The following PHF12 variants were observed in gnomAD, a reference collection of about 807,000 sequenced individuals.
PHF12 encodes the protein PHD finger protein 12.
In PHF12, 6 loss-of-function variants were observed where a neutral mutation model predicts 99.8. The ratio of observed to expected loss-of-function variants is 0.06; its 90% CI spans 0.03 to 0.12. The LOEUF is 0.12. PHF12 is among the 10% of genes least tolerant of loss of function. The pLI, the probability that PHF12 is intolerant of heterozygous loss-of-function variation, is 1.00. For synonymous variants in PHF12, 480 were observed against 514.9 expected (o/e 0.93, Z 0.92); for missense variants, 954 against 1,300.1 (o/e 0.73, Z 4.09).
At position 28,924,232 on chromosome 17, in the gene PHF12, G is replaced by A. The variant is rs1276565800; in HGVS notation, c.392C>T (p.Ser131Phe). 8.1e-6 allele frequency: 13 copies of A among 1,614,222 alleles called. No homozygotes were observed. The highest frequency in any genetic ancestry group is 1.1e-5 in the Non-Finnish European group (13 of 1,180,038). ...LVDKSGKRTT[S>F]PSSDTDLLDR... ...CAACAAGTCAGTGTCACTGCTGGGG[G>A]ATGTAGTCCGTTTGCCAGATTTGTC... Residue 131 changes from serine to phenylalanine, a missense_variant, in exon 4 of 15, where the codon TCC becomes TTC. Around this residue, in one of 8 missense-constraint regions of PHF12, gnomAD observed 109 missense variants for 145.4 expected, o/e 0.75. Coordinates refer to ENST00000332830, the MANE Select transcript of PHF12 (RefSeq NM_001033561.2).
chr17:28,911,719 G>A (rs1451350694), intron 9 of PHF12, among the ~76,000 whole-genome samples: 7 of 152,194 alleles, frequency 4.6e-5, no homozygotes, highest in African/African-American at 1.7e-4. Flanking sequence ...TCTGGTTACC[G>A]AGACTCCCAG....
chr17:28,921,696 C>T lies in PHF12; in HGVS notation c.828G>A (p.Thr276=), dbSNP rs149472520. Residue 276 remains threonine, a synonymous_variant, in exon 5 of 15, where the codon ACG becomes ACA. Coordinates refer to ENST00000332830, the MANE Select transcript of PHF12 (RefSeq NM_001033561.2). ...LVPLPVKVCF[T]CNRSCRVAPL... is the part of the protein sequence containing the mutation. Reference sequence around the variant, plus strand: ...AGTATGAAAGAAAATACCTGTTACACGTGAAGCAGACTTTGACGGGTAAGG... The same window carrying T: ...AGTATGAAAGAAAATACCTGTTACATGTGAAGCAGACTTTGACGGGTAAGG... 20 of 1,613,960 alleles carry T rather than the reference C, an allele frequency of 1.2e-5. No homozygotes were observed. The highest frequency in any genetic ancestry group is 3.3e-5 in the Admixed American group (2 of 59,998).
rs1049903251 is a variant in PHF12, at chr17:28,912,680, A to T, written c.1891T>A (p.Ser631Thr). Residue 631 changes from serine to threonine, a missense_variant, in exon 9 of 15, where the codon TCT (serine) becomes ACT (threonine). This residue lies in a region of PHF12 where 392 missense variants were observed against 423.1 expected (regional missense o/e 0.93). Transcript: ENST00000332830. ...CTGGTGTTCTCGATGCTGGCACAAG[A>T]GCTGGGAATGGAAGGGGGCAGGCTT... ...VPSLPPSIPS[S>T]CASIENTSTL... 1.2e-6 allele frequency: 2 copies of T among 1,614,014 alleles called. No homozygotes were observed. The highest frequency in any genetic ancestry group is 2.7e-5 in the African/African-American group (2 of 74,902).
chr17:28,906,626 C>T lies in PHF12; in HGVS notation c.2681-109G>A, dbSNP rs1468746486. ...TCTCCCCATTCCAACTGCTGCATGACTAGGGAGGAAGGATGCTCAGAAAGG... is the reference window on the plus strand; with the variant it reads ...TCTCCCCATTCCAACTGCTGCATGATTAGGGAGGAAGGATGCTCAGAAAGG... On this transcript the variant is annotated intron_variant, in intron 14 of 14. Transcript: ENST00000332830. The surrounding 1 kb of genome is among the most constrained non-coding windows in gnomAD (Gnocchi z 4.2). The T allele has an allele frequency of 2.3e-6, 3 of 1,312,978 alleles. No individual in the cohort carries two copies. Among genetic ancestry groups the T allele is most frequent in the Non-Finnish European group, 3.1e-6 (3 of 960,368 alleles). 81.3% of individuals were successfully genotyped at this position (1,312,978 alleles called of 1,614,324 possible).
chr17:28,913,166 C>G lies in PHF12; in HGVS notation c.1405G>C (p.Val469Leu). Reference sequence around the variant, plus strand: ...GTGACTGAGCTGTCAGTCACAATAACAGGCTTAATATCAGCCTTCTCTGTC... The same window carrying G: ...GTGACTGAGCTGTCAGTCACAATAAGAGGCTTAATATCAGCCTTCTCTGTC... Reference protein sequence around the residue: ...EQTEKADIKPVIVTDSSVTTS... With the variant: ...EQTEKADIKPLIVTDSSVTTS... Residue 469 changes from valine to leucine, a missense_variant, in exon 9 of 15, where the codon GTT (valine) becomes CTT (leucine). Physicochemically the swap from Val to Leu is conservative, Grantham distance 32. Transcript: ENST00000332830. 1 of 1,614,140 alleles carries G rather than the reference C, an allele frequency of 6.2e-7. No homozygotes were observed. Among genetic ancestry groups the G allele is most frequent in the Non-Finnish European group, 8.5e-7 (1 of 1,180,020 alleles).
chr17:28,911,567 A>G (rs886519462), intron 9 of PHF12, among the ~76,000 whole-genome samples: 3 of 152,146 alleles, frequency 2.0e-5, no homozygotes, highest in Non-Finnish European at 2.9e-5. Context: ...GCCTGCCCTT[A>G]TAATTCTTGC....
Position 28,921,812 on chromosome 17 carries a change from G to C in PHF12, c.716-4C>G, listed in dbSNP as rs1567958337. 6.2e-7 allele frequency: 1 copy of C among 1,613,940 alleles called. No homozygotes were observed. The highest frequency in any genetic ancestry group is 8.5e-7 in the Non-Finnish European group (1 of 1,179,972). Reference sequence around the variant, plus strand: ...TTTCTTCTCCTCTTGCTAGAACCTAGAAAAGAAAATGATGGTGCTGAGCTA... The same window carrying C: ...TTTCTTCTCCTCTTGCTAGAACCTACAAAAGAAAATGATGGTGCTGAGCTA... On this transcript the variant is annotated splice_region_variant and splice_polypyrimidine_tract_variant and intron_variant, in intron 4 of 14. Transcript: ENST00000332830.
Position 28,951,367 on chromosome 17 carries a change from G to A in PHF12, c.-407C>T, listed in dbSNP as rs984245484. 4.0e-6 allele frequency: 4 copies of A among 991,550 alleles called. No homozygotes were observed. Among genetic ancestry groups the A allele is most frequent in the African/African-American group, 1.7e-5 (1 of 57,334 alleles). The allele number at this position is 991,550 out of a possible 1,614,324, so 61.4% of individuals were successfully genotyped here. A position where few individuals can be genotyped will look rare whatever the true frequency, so the allele number is the denominator to read the frequency against. ...GGTTACGTGAGGTTGTGGTACGTGA[G>A]GTGACTGGGGGGAGGGTGATGGGGG... On this transcript the variant is annotated 5_prime_UTR_variant, in exon 1 of 15. Coordinates refer to ENST00000332830, the MANE Select transcript of PHF12 (RefSeq NM_001033561.2).
chr17:28,948,963 C>T (rs890135277), intron 2 of PHF12, among the ~76,000 whole-genome samples: 3 of 152,112 alleles, frequency 2.0e-5, no homozygotes, highest in Non-Finnish European at 4.4e-5. Flanking sequence ...GAGGTGATTT[C>T]GGCCGGCAGA....
intron 5 of PHF12, among the ~76,000 whole-genome samples, chr17:28,920,123 A>G (rs1319861506): frequency 6.6e-6 from 1 of 152,212 alleles, no homozygotes; most frequent in Non-Finnish European, 1.5e-5. Flanking sequence ...GCAGGGTTCA[A>G]AAGAGGACTA....
Position 28,950,934 on chromosome 17 carries a change from C to A in PHF12, c.27G>T (p.Thr9=). 1 of 1,614,022 alleles carries A rather than the reference C, an allele frequency of 6.2e-7. No individual in the cohort carries two copies. Among genetic ancestry groups the A allele is most frequent in the Non-Finnish European group, 8.5e-7 (1 of 1,179,932 alleles). Residue 9 remains threonine (T), a synonymous_variant, in exon 1 of 15, where the codon ACG becomes ACT. Transcript: ENST00000332830. The surrounding 1 kb of genome is among the most constrained non-coding windows in gnomAD (Gnocchi z 5.7). ...CTGATGTGTCCAAGTCGTACACGAT[C>A]GTCTTGGTCTCCATTTTCTCCCACA... The part of the protein sequence containing the change: MWEKMETK[T]IVYDLDTSGG...
At chr17:28,936,355 CGAGAGGTAGAGG>C (rs1332032585) in intron 2 of PHF12, among the ~76,000 whole-genome samples, 1 of 151,692 alleles carries the variant, frequency 6.6e-6, no homozygotes, top group Non-Finnish European at 1.5e-5. Context: ...AGGGAAGAGG[CGAGAGGTAGAGG>C]GAGAGAAAGC....
intron 9 of PHF12, chr17:28,912,012 T>G: frequency 1.2e-6 from 1 of 864,930 alleles, no homozygotes. Flanking sequence ...CTTCCTGACA[T>G]GGAAGTTCAT....
At chr17:28,940,218 T>C (rs952178319) in intron 2 of PHF12, among the ~76,000 whole-genome samples, 5 of 152,246 alleles carry the variant, frequency 3.3e-5, no homozygotes, top group African/African-American at 9.6e-5. Flanking sequence ...AACCCAGATA[T>C]CATTTTTGTT....
At chr17:28,910,717 G>C in intron 10 of PHF12, 1 of 397,682 alleles carries the variant, frequency 2.5e-6, no homozygotes, top group Non-Finnish European at 4.6e-6. Context: ...CCCACCTTGT[G>C]TTCACAGAGA....
At chr17:28,914,998 T>C (rs565285738) in intron 7 of PHF12, among the ~76,000 whole-genome samples, 1 of 152,174 alleles carries the variant, frequency 6.6e-6, no homozygotes, top group Non-Finnish European at 1.5e-5. Context: ...AGTGGGGAGA[T>C]AAACACAGAA....
rs538334603 is a variant in PHF12, at chr17:28,923,964, C to T, written c.660G>A (p.Arg220=). 1.9e-6 allele frequency: 3 copies of T among 1,613,688 alleles called. No individual in the cohort carries two copies. The highest frequency in any genetic ancestry group is 1.1e-5 in the South Asian group (1 of 91,040). Residue 220 remains arginine, a synonymous_variant, in exon 4 of 15, where the codon CGG becomes CGA. Coordinates refer to ENST00000332830, the MANE Select transcript of PHF12 (RefSeq NM_001033561.2). ...FELLIAAAME[R]NPTQFQLPNE... ...TGGGCAACTGAAATTGGGTGGGGTTCCGCTCCATGGCGGCAGCAATCAGCA... is the reference window on the plus strand; with the variant it reads ...TGGGCAACTGAAATTGGGTGGGGTTTCGCTCCATGGCGGCAGCAATCAGCA...
intron 7 of PHF12, 115 bp downstream of exon 7, chr17:28,917,170 C>T (rs1434497869): frequency 2.8e-6 from 4 of 1,429,738 alleles, no homozygotes; most frequent in Non-Finnish European, 3.9e-6. Flanking sequence ...CGAGACACCA[C>T]AAACCTATTT....
chr17:28,912,650 A>C lies in PHF12; in HGVS notation c.1921T>G (p.Leu641Val). Residue 641 changes from leucine to valine, a missense_variant, in exon 9 of 15, where the codon TTG becomes GTG. Around this residue, in one of 8 missense-constraint regions of PHF12, gnomAD observed 392 missense variants for 423.1 expected, o/e 0.93. Coordinates refer to ENST00000332830, the MANE Select transcript of PHF12 (RefSeq NM_001033561.2). ...TGTGATTGGACAGTCTTTCTTTGCA[A>C]AGTGCTGGTGTTCTCGATGCTGGCA... ...SCASIENTST[L>V]QRKTVQSQIG... 1 of 1,614,156 alleles carries C rather than the reference A, an allele frequency of 6.2e-7. No homozygotes were observed. The highest frequency in any genetic ancestry group is 8.5e-7 in the Non-Finnish European group (1 of 1,180,026).
Sources: allele counts gnomAD v4.1 joint callset (sites outside exome capture counted in the v4.1 genomes callset), GRCh38; gene constraint gnomAD v4.1.1; regional missense constraint gnomAD v4.1.1; non-coding constraint Gnocchi (gnomAD v3.1); transcripts MANE v1.5; gene names NCBI Gene and HGNC (gene_info 2026-07-23, HGNC 2026-07-21).